CAMK1D: variants seen among roughly 807,000 people sequenced by gnomAD.
CAMK1D encodes the protein calcium/calmodulin dependent protein kinase ID, also known as calcium/calmodulin-dependent protein kinase type 1D.
In CAMK1D, 9 loss-of-function variants were observed where a neutral mutation model predicts 47.7. The observed-to-expected ratio is 0.19, with a 90% CI of 0.11 to 0.33. CAMK1D has a LOEUF of 0.33. CAMK1D is among the 10% of genes least tolerant of loss of function. The pLI, the probability that CAMK1D is intolerant of heterozygous loss-of-function variation, is 1.00. For missense variants in CAMK1D, 291 were observed against 488.7 expected, an observed-to-expected ratio of 0.60 and a Z score of 3.81; for synonymous variants, 184 against 184.9, an observed-to-expected ratio of 0.99 and a Z score of 0.04.
intron 1 of CAMK1D, among the ~76,000 whole-genome samples, chr10:12,534,236 G>A (rs1481610741): frequency 6.6e-6 from 1 of 152,138 alleles, no homozygotes; most frequent in Non-Finnish European, 1.5e-5. Flanking sequence ...CAATCATGGA[G>A]TCTCGCTCTG....
chr10:12,567,483 C>T (rs1006615241), intron 2 of CAMK1D, among the ~76,000 whole-genome samples: 2 of 152,154 alleles, frequency 1.3e-5, no homozygotes, highest in Admixed American at 1.3e-4. Flanking sequence ...GGGGGATAAG[C>T]CAGGCTGTCC....
chr10:12,709,098 G>T (rs1197450147), intron 3 of CAMK1D, among the ~76,000 whole-genome samples: 1 of 152,210 alleles, frequency 6.6e-6, no homozygotes, highest in East Asian at 1.9e-4. Flanking sequence ...TTTCCTCCTT[G>T]TCAGACCTTC....
intron 2 of CAMK1D, among the ~76,000 whole-genome samples, chr10:12,610,841 T>G (rs1455126189): frequency 1.3e-5 from 2 of 152,186 alleles, no homozygotes; most frequent in African/African-American, 4.8e-5. Flanking sequence ...TGGTGAAAGG[T>G]TTCTATTCAA....
chr10:12,644,432 A>G (rs991268937), intron 2 of CAMK1D, among the ~76,000 whole-genome samples: 1 of 152,238 alleles, frequency 6.6e-6, no homozygotes, highest in Non-Finnish European at 1.5e-5. Flanking sequence ...ACAGCGTCTT[A>G]ATGTGCCATC....
chr10:12,576,187 G>A (rs1837484152), intron 2 of CAMK1D, among the ~76,000 whole-genome samples: 2 of 152,148 alleles, frequency 1.3e-5, no homozygotes, highest in Admixed American at 6.5e-5. Flanking sequence ...GGCTGTGTAA[G>A]TTTTAAATTT....
rs182868612 is a variant in CAMK1D at position 12,568,943 on chromosome 10, T to G, written c.224+15587T>G. On this transcript the variant is annotated intron_variant, in intron 2 of 10. Coordinates refer to ENST00000619168, the MANE Select transcript of CAMK1D (RefSeq NM_153498.4). The stretch of plus-strand genomic sequence containing the variant: ...AACTTTTTCAAAAAGATAATATGCC[T>G]CTTTAAAAGGCGATTTAGAGTGGGA... Among the ~76,000 whole-genome samples the G allele has an allele frequency of 2.1e-3, 321 of 152,338 alleles. 4 individuals carry two copies. Among genetic ancestry groups the G allele is most frequent in the Non-Finnish European group, 1.8e-3 (124 of 68,030 alleles).
chr10:12,418,490 C>T (rs955576108), intron 1 of CAMK1D, among the ~76,000 whole-genome samples: 2 of 152,106 alleles, frequency 1.3e-5, no homozygotes, highest in African/African-American at 4.8e-5. Context: ...TGCCTGTAGT[C>T]CTAGCTACTG....
intron 1 of CAMK1D, among the ~76,000 whole-genome samples, chr10:12,470,836 C>G (rs1833723696): frequency 6.6e-6 from 1 of 152,114 alleles, no homozygotes; most frequent in South Asian, 2.1e-4. Context: ...TTTTGAATCC[C>G]AAGAAACCAT....
At chr10:12,440,575 A>G (rs1323949408) in intron 1 of CAMK1D, among the ~76,000 whole-genome samples, 1 of 152,176 alleles carries the variant, frequency 6.6e-6, no homozygotes, top group Non-Finnish European at 1.5e-5. Flanking sequence ...GGTGTGAGCC[A>G]CCATGCCCAG....
chr10:12,528,940 C>A (rs138038283), intron 1 of CAMK1D, among the ~76,000 whole-genome samples: 53 of 150,812 alleles, frequency 3.5e-4, no homozygotes, highest in African/African-American at 1.3e-3. Flanking sequence ...TAGTGTCTCA[C>A]CTTGTTGCCC....
intron 6 of CAMK1D, among the ~76,000 whole-genome samples, chr10:12,804,958 A>AAG (rs1838656112): frequency 1.3e-5 from 2 of 150,522 alleles, no homozygotes; most frequent in Non-Finnish European, 3.0e-5. Flanking sequence ...AAAAAAAAAA[A>AAG]AAGATACAAA....
intron 1 of CAMK1D, among the ~76,000 whole-genome samples, chr10:12,350,288 C>T (rs1013539123): frequency 1.3e-5 from 2 of 152,244 alleles, no homozygotes; most frequent in African/African-American, 4.8e-5. Flanking sequence ...TGTGCATGGG[C>T]GCACCGCGTT....
chr10:12,442,615 C>T (rs1013951897), intron 1 of CAMK1D, among the ~76,000 whole-genome samples: 1 of 152,142 alleles, frequency 6.6e-6, no homozygotes, highest in African/African-American at 2.4e-5. Flanking sequence ...GTTTTTTTGT[C>T]ACCCCAAACC....
chr10:12,506,478 A>G (rs529607349), intron 1 of CAMK1D, among the ~76,000 whole-genome samples: 2 of 152,214 alleles, frequency 1.3e-5, no homozygotes, highest in South Asian at 2.1e-4. Context: ...TCTACACACC[A>G]TAAAGGAATA....
chr10:12,791,597 A>G (rs542107074), intron 6 of CAMK1D, among the ~76,000 whole-genome samples: 22 of 152,324 alleles, frequency 1.4e-4, no homozygotes, highest in African/African-American at 5.3e-4. Flanking sequence ...GATGTCAGGC[A>G]TATTTTACTT....
At chr10:12,750,995 G>T (rs1391252942) in intron 3 of CAMK1D, among the ~76,000 whole-genome samples, 2 of 152,158 alleles carry the variant, frequency 1.3e-5, no homozygotes, top group Non-Finnish European at 2.9e-5. Flanking sequence ...AGGTTGCAGT[G>T]AGCTGAGAGA....
intron 2 of CAMK1D, among the ~76,000 whole-genome samples, chr10:12,664,409 C>A (rs374489091): frequency 2.0e-5 from 3 of 151,694 alleles, no homozygotes. Flanking sequence ...TTCTAGTCAG[C>A]ACTCATGTAA....
intron 1 of CAMK1D, among the ~76,000 whole-genome samples, chr10:12,530,194 G>C (rs1332802009): frequency 6.6e-6 from 1 of 152,176 alleles, no homozygotes. Context: ...CTTCAGCACT[G>C]CCCCCGTTGA....
chr10:12,418,233 A>G (rs1839923566), intron 1 of CAMK1D, among the ~76,000 whole-genome samples: 1 of 152,234 alleles, frequency 6.6e-6, no homozygotes, highest in South Asian at 2.1e-4. Flanking sequence ...TGAGGCAGAG[A>G]ACATGCCATC....
Sources: allele counts gnomAD v4.1 joint callset (sites outside exome capture counted in the v4.1 genomes callset), GRCh38; gene constraint gnomAD v4.1.1; transcripts MANE v1.5; gene names NCBI Gene and HGNC (gene_info 2026-07-23, HGNC 2026-07-21).